PIK3C2G: variants seen among roughly 807,000 people sequenced by gnomAD.
PIK3C2G encodes the protein phosphatidylinositol 3-kinase C2 domain-containing subunit gamma.
Under a neutral mutation model 181.1 loss-of-function variants are expected in PIK3C2G, and 168 were observed. The observed-to-expected ratio is 0.93, with a 90% confidence interval of 0.82 to 1.05. The LOEUF (loss-of-function observed/expected upper bound fraction) is 1.05. PIK3C2G is among the 50% of genes least tolerant of loss of function. The pLI, the probability that PIK3C2G is intolerant of heterozygous loss-of-function variation, is 0.00. For synonymous variants in PIK3C2G, 573 were observed against 592.2 expected (o/e 0.97, Z 0.47); for missense variants, 1,869 against 1,732.8 (o/e 1.08, Z -1.40).
upstream of PIK3C2G, among the ~76,000 whole-genome samples, chr12:18,243,203 TG>T (rs1948003365): frequency 6.6e-6 from 1 of 151,302 alleles, no homozygotes; most frequent in Non-Finnish European, 1.5e-5. Flanking sequence ...TCTGTGTGTG[TG>T]TGTGTGTGTG....
intron 18 of PIK3C2G, among the ~76,000 whole-genome samples, chr12:18,432,122 A>G (rs1055034351): frequency 6.6e-6 from 1 of 152,228 alleles, no homozygotes; most frequent in African/African-American, 2.4e-5. Flanking sequence ...TTTTTAAAAT[A>G]CCATACAATC....
chr12:18,443,464 T>TC (rs1946857207), intron 18 of PIK3C2G, among the ~76,000 whole-genome samples: 1 of 151,236 alleles, frequency 6.6e-6, no homozygotes, highest in South Asian at 2.1e-4. Flanking sequence ...AGTTTTTTTT[T>TC]CATTTTACAG....
intron 1 of PIK3C2G, among the ~76,000 whole-genome samples, chr12:18,275,517 G>A (rs1948947079): frequency 6.6e-6 from 1 of 152,148 alleles, no homozygotes; most frequent in African/African-American, 2.4e-5. Context: ...ACATAGCTGG[G>A]ATTACAGGCG....
chr12:18,709,968 G>A, the PIK3C2G span, among the ~76,000 whole-genome samples: 19 of 151,488 alleles, frequency 1.3e-4, no homozygotes, highest in South Asian at 1.5e-3. Context: ...CACTATTTGC[G>A]TATAAAAATA....
the PIK3C2G span, chr12:18,695,111 G>A: frequency 6.3e-7 from 1 of 1,588,124 alleles, no homozygotes; most frequent in Non-Finnish European, 8.6e-7. Context: ...ACATTGTCAG[G>A]TAATAGAGAA....
Position 18,488,460 on chromosome 12 carries a change from A to G in PIK3C2G, c.2516A>G (p.Asn839Ser). The G allele has an allele frequency of 6.6e-7, 1 of 1,513,806 alleles. No individual in the cohort carries two copies. Among genetic ancestry groups the G allele is most frequent in the Non-Finnish European group, 8.8e-7 (1 of 1,131,874 alleles). 93.8% of individuals were successfully genotyped at this position (1,513,806 alleles called of 1,614,324 possible). A position where few individuals can be genotyped will look rare whatever the true frequency, so the allele number is the denominator to read the frequency against. The change falls in exon 19 of 33, where the codon AAT becomes AGT. Residue 839 changes from asparagine to serine, a missense_variant. Coordinates refer to ENST00000538779, the MANE Select transcript of PIK3C2G (RefSeq NM_001288772.2). The stretch of plus-strand genomic sequence containing the variant: ...TCTCTTTCCTTCAGGCTGCTAAAAA[A>G]TGCAGAAAATGAAGCTTATTTTAAA... ...VAHRLYWLLK[N>S]AENEAYFKSW...
At chr12:18,536,493 C>CATG (rs1304626858) in intron 24 of PIK3C2G, among the ~76,000 whole-genome samples, 1 of 152,018 alleles carries the variant, frequency 6.6e-6, no homozygotes, top group East Asian at 1.9e-4. Context: ...GTGGTGAAGC[C>CATG]ATGATTTGAA....
intron 8 of PIK3C2G, among the ~76,000 whole-genome samples, chr12:18,331,903 T>G (rs2137544526): frequency 6.6e-6 from 1 of 152,296 alleles, no homozygotes; most frequent in Admixed American, 6.5e-5. Flanking sequence ...AAATGCTTTT[T>G]GTGCATATGT....
At chr12:18,704,165 C>G in the PIK3C2G span, among the ~76,000 whole-genome samples, 1 of 151,904 alleles carries the variant, frequency 6.6e-6, no homozygotes, top group African/African-American at 2.4e-5. Context: ...GAGAGGACAA[C>G]CAGATGAAGA....
At chr12:18,409,674 T>C (rs1944745143) in intron 16 of PIK3C2G, among the ~76,000 whole-genome samples, 1 of 151,638 alleles carries the variant, frequency 6.6e-6, no homozygotes. Flanking sequence ...AATGAGAAAA[T>C]GGGAGTGAAA....
chr12:18,639,088 C>T (rs1037841528), intron 31 of PIK3C2G, among the ~76,000 whole-genome samples: 1 of 151,938 alleles, frequency 6.6e-6, no homozygotes, highest in African/African-American at 2.4e-5. Context: ...CAGAGGTATA[C>T]CTTGAGCTCC....
intron 15 of PIK3C2G, among the ~76,000 whole-genome samples, chr12:18,397,418 A>G (rs1313980833): frequency 6.6e-6 from 1 of 152,060 alleles, no homozygotes; most frequent in Non-Finnish European, 1.5e-5. Context: ...AAATTTTTGT[A>G]TTCAGAGTAT....
rs570153938 is a variant in PIK3C2G at position 18,255,106 on chromosome 12, C to T, written c.-79+7024C>T. Among the ~76,000 whole-genome samples the T allele has an allele frequency of 2.4e-3, 362 of 151,626 alleles. 2 individuals are homozygous for T. The highest frequency in any genetic ancestry group is 8.4e-3 in the African/African-American group (348 of 41,434). The stretch of plus-strand genomic sequence containing the variant: ...AGTCGGGCACATGCCTGACCAGCTA[C>T]TTGGGAGGCTGAGGCAGGAGAATCA... On this transcript the variant is annotated intron_variant, in intron 1 of 11. Coordinates refer to the PIK3C2G transcript ENST00000535651.
chr12:18,307,487 C>CAGACT (rs1417276412), intron 5 of PIK3C2G, among the ~76,000 whole-genome samples: 1 of 151,642 alleles, frequency 6.6e-6, no homozygotes, highest in Non-Finnish European at 1.5e-5. Flanking sequence ...GGAATGTTAC[C>CAGACT]AGACTGAGAA....
chr12:18,513,824 G>A (rs1942364417), intron 24 of PIK3C2G, among the ~76,000 whole-genome samples: 1 of 151,214 alleles, frequency 6.6e-6, no homozygotes, highest in East Asian at 1.9e-4. Context: ...TTTTTTTTCT[G>A]TTGTTTTTTA....
At chr12:18,691,600 C>T in the PIK3C2G span, among the ~76,000 whole-genome samples, 1 of 152,080 alleles carries the variant, frequency 6.6e-6, no homozygotes, top group African/African-American at 2.4e-5. Context: ...AGTCCCAGAG[C>T]ATAGAAGAGC....
intron 24 of PIK3C2G, among the ~76,000 whole-genome samples, chr12:18,537,843 T>C (rs978790419): frequency 2.0e-5 from 3 of 152,026 alleles, no homozygotes; most frequent in Non-Finnish European, 4.4e-5. Flanking sequence ...AAATATCAGC[T>C]TCACTATGAA....
chr12:18,365,866 C>G (rs762294929), intron 12 of PIK3C2G, among the ~76,000 whole-genome samples: 2 of 152,148 alleles, frequency 1.3e-5, no homozygotes, highest in Non-Finnish European at 2.9e-5. Context: ...TCTGGATAAT[C>G]AATTCTAATT....
intron 29 of PIK3C2G, among the ~76,000 whole-genome samples, chr12:18,575,694 G>A (rs1946199817): frequency 6.6e-6 from 1 of 152,158 alleles, no homozygotes; most frequent in African/African-American, 2.4e-5. Flanking sequence ...TAAAGGGCAA[G>A]TAGCAGTTGG....
Sources: allele counts gnomAD v4.1 joint callset (sites outside exome capture counted in the v4.1 genomes callset), GRCh38; gene constraint gnomAD v4.1.1; transcripts MANE v1.5; gene names NCBI Gene and HGNC (gene_info 2026-07-23, HGNC 2026-07-21).